The following HFM1 variants were observed in gnomAD, a reference collection of about 807,000 sequenced individuals.
HFM1 encodes the protein probable ATP-dependent DNA helicase HFM1.
In HFM1, 169 loss-of-function variants were observed where a neutral mutation model predicts 192.1. The observed-to-expected ratio is 0.88, with a 90% CI of 0.78 to 1.00. The LOEUF is 1.00. HFM1 is among the 50% of genes least tolerant of loss of function. The pLI is 0.00. For missense variants in HFM1, 1,661 were observed against 1,668.0 expected (o/e 1.00, Z 0.07); for synonymous variants, 525 against 537.8 (o/e 0.98, Z 0.33).
Position 91,291,476 on chromosome 1 carries a change from C to T in HFM1, c.3392-14414G>A, listed in dbSNP as rs957153501. Among the ~76,000 whole-genome samples the T allele has an allele frequency of 2.3e-4, 35 of 152,190 alleles. 1 individual carries two copies. Among genetic ancestry groups the T allele is most frequent in the African/African-American group, 8.4e-4 (35 of 41,426 alleles). On this transcript the variant is annotated intron_variant, in intron 30 of 38. Coordinates refer to ENST00000370425, the MANE Select transcript of HFM1 (RefSeq NM_001017975.6). ...GAAGAAATGGATACATTCCTCGACA[C>T]ATACACTCTCCCAAGACTAAACCAG...
intron 30 of HFM1, among the ~76,000 whole-genome samples, chr1:91,290,700 C>G (rs918534313): frequency 1.3e-5 from 2 of 152,108 alleles, no homozygotes; most frequent in African/African-American, 4.8e-5. Flanking sequence ...ACCAACCGGA[C>G]CTAATAGACA....
In HFM1 at chr1:91,312,426, C is replaced by T. The variant is rs551890806; in HGVS notation, c.3391+923G>A. Among the ~76,000 whole-genome samples, 59 of 152,118 alleles carry T rather than the reference C, an allele frequency of 3.9e-4. 1 individual carries two copies. The highest frequency in any genetic ancestry group is 7.2e-4 in the Admixed American group (11 of 15,274). ...GCATCCATGTGACCTAGATGTGAGACCTGGAGTCAAAGGAGATCATTTTGG... is the reference window on the plus strand; with the variant it reads ...GCATCCATGTGACCTAGATGTGAGATCTGGAGTCAAAGGAGATCATTTTGG... On this transcript the variant is annotated intron_variant, in intron 30 of 38. Transcript: ENST00000370425.
chr1:91,357,468 G>A (rs1157667654), intron 13 of HFM1, among the ~76,000 whole-genome samples: 1 of 152,000 alleles, frequency 6.6e-6, no homozygotes, highest in African/African-American at 2.4e-5. Flanking sequence ...ATGTAACAAA[G>A]GCCATTTATG....
chr1:91,333,542 T>C (rs1413661269), intron 20 of HFM1, among the ~76,000 whole-genome samples: 2 of 151,932 alleles, frequency 1.3e-5, no homozygotes, highest in Non-Finnish European at 2.9e-5. Flanking sequence ...GAATAAGACC[T>C]AGTATTTGAT....
intron 35 of HFM1, 39 bp from the exon 36 acceptor site, chr1:91,266,146 A>G (rs774335498): frequency 6.5e-7 from 1 of 1,544,286 alleles, no homozygotes; most frequent in South Asian, 1.2e-5. Context: ...AAATGCCAAG[A>G]AACAGCTGAA....
rs67268923 is a variant in HFM1, at chr1:91,277,506, G to GGT, written c.3392-446_3392-445dup. Among the ~76,000 whole-genome samples, 612 of 134,082 alleles carry GGT rather than the reference G, an allele frequency of 4.6e-3. 8 individuals are homozygous for GGT. Among genetic ancestry groups the GGT allele is most frequent in the African/African-American group, 0.016 (580 of 35,908 alleles). The allele number at this position is 134,082 out of a possible 152,430, so 88.0% of individuals were successfully genotyped here. A position where few individuals can be genotyped will look rare whatever the true frequency, so the allele number is the denominator to read the frequency against. On this transcript the variant is annotated intron_variant, in intron 30 of 38. Transcript: ENST00000370425. ...GTGTGTGTGTATAATCTCCCTGGTG[G>GGT]GTGTGTGTGTGTGTGTGTGTGTATA...
chr1:91,310,685 A>G (rs913058654), intron 30 of HFM1, among the ~76,000 whole-genome samples: 2 of 152,202 alleles, frequency 1.3e-5, no homozygotes, highest in Non-Finnish European at 2.9e-5. Flanking sequence ...TTCTCCTGAT[A>G]GTGAATAAGT....
chr1:91,270,608 A>C (rs1007980074), intron 34 of HFM1, among the ~76,000 whole-genome samples: 1 of 151,988 alleles, frequency 6.6e-6, no homozygotes, highest in Non-Finnish European at 1.5e-5. Context: ...ATCCTTTTGC[A>C]ACATCAACAG....
chr1:91,281,468 C>T (rs887351624), intron 30 of HFM1, among the ~76,000 whole-genome samples: 1 of 152,170 alleles, frequency 6.6e-6, no homozygotes, highest in African/African-American at 2.4e-5. Context: ...GCAATCTAGA[C>T]CTGTCCTGTA....
At chr1:91,372,468 G>T (rs12566743) in intron 13 of HFM1, among the ~76,000 whole-genome samples, 1 of 151,936 alleles carries the variant, frequency 6.6e-6, no homozygotes, top group Non-Finnish European at 1.5e-5. Flanking sequence ...ACTATCATTC[G>T]CAGCAAACTA....
intron 19 of HFM1, 40 bp from the exon 20 acceptor site, chr1:91,343,550 T>C (rs1655689921): frequency 2.7e-6 from 2 of 744,428 alleles, no homozygotes; most frequent in Admixed American, 3.0e-5. Flanking sequence ...TTTAGTAAAA[T>C]AGGGAAGTAG....
chr1:91,329,549 C>A lies in HFM1; in HGVS notation c.2336-4783G>T, dbSNP rs72968494. The stretch of plus-strand genomic sequence containing the variant: ...GTTTCCCCATTATACCTCCTTGACA[C>A]CAGAATATTTGCCCTCTTGTACCCT... On this transcript the variant is annotated intron_variant, in intron 20 of 38. Coordinates refer to ENST00000370425, the MANE Select transcript of HFM1 (RefSeq NM_001017975.6). 5.0e-4 allele frequency: 691 copies of A among 1,395,746 alleles called. 3 individuals are homozygous for A. The African/African-American group carries it at 8.2e-3, about 16-fold the overall frequency. 86.5% of individuals were successfully genotyped at this position (1,395,746 alleles called of 1,614,324 possible).
intron 30 of HFM1, among the ~76,000 whole-genome samples, chr1:91,283,520 T>C (rs1449446572): frequency 6.6e-6 from 1 of 152,156 alleles, no homozygotes; most frequent in Non-Finnish European, 1.5e-5. Flanking sequence ...CCCAAAGTGC[T>C]GAGACTACAG....
At chr1:91,403,876 T>C (rs182336109) in intron 1 of HFM1, among the ~76,000 whole-genome samples, 246 of 152,352 alleles carry the variant, frequency 1.6e-3, no homozygotes, top group Non-Finnish European at 2.8e-3. Flanking sequence ...CTTTACTTAT[T>C]GTATAAAATT....
intron 15 of HFM1, 122 bp downstream of exon 15, chr1:91,352,929 A>C (rs948288689): frequency 5.9e-6 from 4 of 673,388 alleles, no homozygotes; most frequent in Non-Finnish European, 1.0e-5. Context: ...GTAACCACTT[A>C]ATTTTATATT....
At chr1:91,385,552 G>C (rs1662093617) in intron 5 of HFM1, 23 bp downstream of exon 5, 3 of 1,593,146 alleles carry the variant, frequency 1.9e-6, no homozygotes, top group Admixed American at 1.7e-5. Context: ...CTCATAAAAT[G>C]AACTGAAAAA....
chr1:91,333,205 G>A (rs1264029851), intron 20 of HFM1, among the ~76,000 whole-genome samples: 1 of 152,184 alleles, frequency 6.6e-6, no homozygotes, highest in Non-Finnish European at 1.5e-5. Context: ...GCAACTTAGT[G>A]TCCATCAACA....
At chr1:91,371,139 T>A (rs1195037023) in intron 13 of HFM1, among the ~76,000 whole-genome samples, 5 of 151,980 alleles carry the variant, frequency 3.3e-5, no homozygotes, top group Non-Finnish European at 5.9e-5. Context: ...GTAGGAAGAA[T>A]CAATATCCTG....
At chr1:91,328,648 C>T in intron 20 of HFM1, 1 of 1,591,126 alleles carries the variant, frequency 6.3e-7, no homozygotes. Flanking sequence ...GGGCACGCCA[C>T]CACAGCACAA....
Sources: allele counts gnomAD v4.1 joint callset (sites outside exome capture counted in the v4.1 genomes callset), GRCh38; gene constraint gnomAD v4.1.1; transcripts MANE v1.5; gene names NCBI Gene and HGNC (gene_info 2026-07-23, HGNC 2026-07-21).